DENND1A: variants seen among roughly 807,000 people sequenced by gnomAD.
The protein encoded by DENND1A is DENN domain-containing protein 1A.
DENND1A carries 51 observed loss-of-function variants against 113.7 expected under a neutral mutation model. That is an observed-to-expected ratio of 0.45 (90% CI 0.36 to 0.57). The LOEUF (loss-of-function observed/expected upper bound fraction) is 0.57, where lower values mean the gene tolerates loss of function less well. DENND1A is among the 20% of genes least tolerant of loss of function. The pLI, the probability that DENND1A is intolerant of heterozygous loss-of-function variation, is 0.00. For synonymous variants in DENND1A, 565 were observed against 570.8 expected, an observed-to-expected ratio of 0.99 and a Z score of 0.14; for missense variants, 1,258 against 1,395.9, an observed-to-expected ratio of 0.90 and a Z score of 1.57.
At chr9:123,508,817 T>A (rs2053196761) in intron 13 of DENND1A, among the ~76,000 whole-genome samples, 1 of 152,350 alleles carries the variant, frequency 6.6e-6, no homozygotes, top group African/African-American at 2.4e-5. Flanking sequence ...ATTATCATAA[T>A]GTTGTCTTTT....
In DENND1A at chr9:123,839,850, CT is replaced by C. The variant is rs1841569129; in HGVS notation, c.88+39100del. Among the ~76,000 whole-genome samples, 3 of 152,220 alleles carry C rather than the reference CT, an allele frequency of 2.0e-5. No homozygotes were observed. The East Asian group carries it at 5.8e-4, about 29-fold the overall frequency. ...TTTATTCCTATTGAGCATCTACCAC[CT>C]ATGAATTATTTCTGAAGCTAAGCAG... On this transcript the variant is annotated intron_variant, in intron 2 of 23. Transcript: ENST00000394215.
At chr9:123,589,133 T>G (rs373460149) in intron 11 of DENND1A, among the ~76,000 whole-genome samples, 23 of 152,066 alleles carry the variant, frequency 1.5e-4, no homozygotes, top group African/African-American at 5.6e-4. Context: ...TCCACTTAAT[T>G]AAGAACTTTG....
chr9:123,768,599 G>T (rs190351749), intron 4 of DENND1A, among the ~76,000 whole-genome samples: 1 of 151,954 alleles, frequency 6.6e-6, no homozygotes, highest in Non-Finnish European at 1.5e-5. Flanking sequence ...AATAAAAGTG[G>T]GTTTGTTAAG....
At chr9:123,497,290 G>A (rs2052012267) in intron 13 of DENND1A, among the ~76,000 whole-genome samples, 1 of 152,192 alleles carries the variant, frequency 6.6e-6, no homozygotes, top group Non-Finnish European at 1.5e-5. Flanking sequence ...AGCTGACAGA[G>A]CACGAACAAT....
chr9:123,647,895 AG>A (rs2062424458), intron 9 of DENND1A, among the ~76,000 whole-genome samples: 1 of 152,214 alleles, frequency 6.6e-6, no homozygotes, highest in Admixed American at 6.5e-5. Flanking sequence ...TACATGACCA[AG>A]GGGTGTGTGT....
At chr9:123,758,948 C>T (rs2070803365) in intron 4 of DENND1A, among the ~76,000 whole-genome samples, 1 of 151,972 alleles carries the variant, frequency 6.6e-6, no homozygotes, top group Non-Finnish European at 1.5e-5. Context: ...CTACAGGTGC[C>T]CGCCACCATG....
rs150194222 is a variant in DENND1A, at chr9:123,629,588, T to G, written c.719+788A>C. On this transcript the variant is annotated intron_variant, in intron 10 of 23. Coordinates refer to ENST00000394215, the MANE Select transcript of DENND1A (RefSeq NM_001352964.2). ...ATGATTATGTATTGAACAACTTCCT[T>G]TTACAGATGAGTAAACAAAGTCTTA... Among the ~76,000 whole-genome samples the G allele has an allele frequency of 2.0e-5, 3 of 152,348 alleles. No homozygotes were observed. The East Asian group carries it at 5.8e-4, about 29-fold the overall frequency.
chr9:123,588,846 C>A (rs1218610600), intron 11 of DENND1A, among the ~76,000 whole-genome samples: 1 of 151,364 alleles, frequency 6.6e-6, no homozygotes, highest in East Asian at 2.0e-4. Context: ...TGGCTCACTG[C>A]AACCTCTGCC....
chr9:123,471,634 C>T (rs901139950), intron 13 of DENND1A, among the ~76,000 whole-genome samples: 1 of 152,188 alleles, frequency 6.6e-6, no homozygotes, highest in African/African-American at 2.4e-5. Flanking sequence ...TGTGGCTGCA[C>T]GTTGACTTCT....
At chr9:123,551,986 A>AGAGAGCGAGAGAGAGC (rs2057078011) in intron 13 of DENND1A, among the ~76,000 whole-genome samples, 1 of 147,948 alleles carries the variant, frequency 6.8e-6, no homozygotes, top group African/African-American at 2.5e-5. Flanking sequence ...GGAAAGAGAG[A>AGAGAGCGAGAGAGAGC]GAGAGCGAGA....
At chr9:123,822,324 C>G (rs907735320) in intron 2 of DENND1A, among the ~76,000 whole-genome samples, 3 of 152,100 alleles carry the variant, frequency 2.0e-5, no homozygotes, top group African/African-American at 7.2e-5. Flanking sequence ...TGTCCCAACA[C>G]TAAATATTAA....
chr9:123,819,031 C>A (rs1412801459), intron 2 of DENND1A, among the ~76,000 whole-genome samples: 2 of 152,204 alleles, frequency 1.3e-5, no homozygotes, highest in Admixed American at 1.3e-4. Flanking sequence ...CTTAGGCCCA[C>A]ACAAGACCTA....
At chr9:123,885,305 G>C (rs1250623666) in intron 1 of DENND1A, among the ~76,000 whole-genome samples, 8 of 152,200 alleles carry the variant, frequency 5.3e-5, no homozygotes, top group Admixed American at 5.2e-4. Flanking sequence ...AACCACTGGT[G>C]TGTCTCAGAT....
Position 123,879,008 on chromosome 9 carries a change from T to C in DENND1A, c.31A>G (p.Thr11Ala). The C allele has an allele frequency of 6.2e-7, 1 of 1,613,912 alleles. No individual in the cohort carries two copies. The highest frequency in any genetic ancestry group is 8.5e-7 in the Non-Finnish European group (1 of 1,179,904). The change falls in exon 2 of 24, where the codon ACC (threonine) becomes GCC (alanine). Residue 11 changes from threonine (T) to alanine (A), a missense_variant. Coordinates refer to ENST00000394215, the MANE Select transcript of DENND1A (RefSeq NM_001352964.2). ...ACTTCAACATATACTTCAAATGTGG[T>C]CTCTGGATTCTGCCTACAAAAGAAA... is the stretch of plus-strand genomic sequence containing the variant. MGSRIKQNPE[T>A]TFEVYVEVAY...
At chr9:123,700,703 G>A (rs1050197067) in intron 5 of DENND1A, among the ~76,000 whole-genome samples, 4 of 152,116 alleles carry the variant, frequency 2.6e-5, no homozygotes, top group African/African-American at 9.7e-5. Flanking sequence ...ATAAATGTTA[G>A]TTAGATTTAA....
Position 123,454,751 on chromosome 9 carries a change from G to A in DENND1A, c.1215C>T (p.Leu405=), listed in dbSNP as rs1478175865. The change falls in exon 16 of 24, where the codon CTC becomes CTT. Residue 405 remains leucine (L), a synonymous_variant. Coordinates refer to ENST00000394215, the MANE Select transcript of DENND1A (RefSeq NM_001352964.2). ...GGTGCATGCTTACCCGGACAGTGGA[G>A]AGCCACTGATGGTACAGTTTGTCAC... ...AGSDKLYHQW[L]STVRKGSGAI... is the part of the protein sequence containing the mutation. 1 of 1,555,064 alleles carries A rather than the reference G, an allele frequency of 6.4e-7. No homozygotes were observed. The highest frequency in any genetic ancestry group is 8.7e-7 in the Non-Finnish European group (1 of 1,148,508).
intron 12 of DENND1A, among the ~76,000 whole-genome samples, chr9:123,573,240 T>G (rs1426958015): frequency 6.6e-6 from 1 of 152,166 alleles, no homozygotes; most frequent in Non-Finnish European, 1.5e-5. Flanking sequence ...GTTCTTCTCT[T>G]TCAACATTGT....
chr9:123,495,658 CTG>C, intron 13 of DENND1A, among the ~76,000 whole-genome samples: 1 of 152,300 alleles, frequency 6.6e-6, no homozygotes, highest in South Asian at 2.1e-4. Context: ...GTAGGTTAGA[CTG>C]TTAGATTCTT....
intron 2 of DENND1A, among the ~76,000 whole-genome samples, chr9:123,810,069 A>G (rs932558134): frequency 2.6e-5 from 4 of 152,164 alleles, no homozygotes; most frequent in Non-Finnish European, 5.9e-5. Context: ...CCCTCTTGCT[A>G]TTAATGTAAA....
Sources: allele counts gnomAD v4.1 joint callset (sites outside exome capture counted in the v4.1 genomes callset), GRCh38; gene constraint gnomAD v4.1.1; transcripts MANE v1.5; gene names NCBI Gene and HGNC (gene_info 2026-07-23, HGNC 2026-07-21).